The following NRXN1 variants were observed in gnomAD, a reference collection of about 807,000 sequenced individuals.
NRXN1 encodes the protein neurexin-1.
NRXN1 carries 39 observed loss-of-function variants against 150.9 expected under a neutral mutation model. That is an observed-to-expected ratio of 0.26 (90% CI 0.20 to 0.34). NRXN1 has a LOEUF of 0.34. Among genes scored for constraint, NRXN1 ranks in the 10% least tolerant of loss-of-function variants. NRXN1 has a pLI of 1.00. For synonymous variants in NRXN1, 924 were observed against 757.0 expected (o/e 1.22, Z -3.62); for missense variants, 1,815 against 1,949.9 (o/e 0.93, Z 1.30).
chr2:50,731,724 T>A (rs1698133788), intron 5 of NRXN1, among the ~76,000 whole-genome samples: 1 of 152,208 alleles, frequency 6.6e-6, no homozygotes, highest in Non-Finnish European at 1.5e-5. Context: ...CCCAGGTGAC[T>A]GTGCAACAAA....
chr2:50,208,114 A>G (rs2062747075), intron 18 of NRXN1, among the ~76,000 whole-genome samples: 1 of 152,114 alleles, frequency 6.6e-6, no homozygotes, highest in Admixed American at 6.6e-5. Flanking sequence ...TGGTGTCCAA[A>G]TGATGGTGTT....
chr2:50,053,451 G>C lies in NRXN1; in HGVS notation c.3948C>G (p.Ala1316=). The change falls in exon 21 of 23, where the codon GCC becomes GCG. Residue 1316 remains alanine, a synonymous_variant. Transcript: ENST00000401669. ...TCACATTTCCCACTATGGCGATGTT[G>C]GCATCGTTTTCGGCTGCCATATTCA... ...KVLNMAAEND[A]NIAIVGNVRL... is the part of the protein sequence containing the mutation. The C allele has an allele frequency of 6.2e-7, 1 of 1,614,036 alleles. No individual in the cohort carries two copies. The highest frequency in any genetic ancestry group is 8.5e-7 in the Non-Finnish European group (1 of 1,179,928).
chr2:50,819,685 T>G (rs916844826), intron 5 of NRXN1, among the ~76,000 whole-genome samples: 17 of 151,422 alleles, frequency 1.1e-4, no homozygotes, highest in African/African-American at 3.4e-4. Context: ...ACATGTTATG[T>G]TTTTTTTTAA....
At chr2:50,179,938 C>T (rs539653052) in intron 18 of NRXN1, among the ~76,000 whole-genome samples, 7 of 152,230 alleles carry the variant, frequency 4.6e-5, no homozygotes, top group Admixed American at 1.3e-4. Context: ...TGATTAAGCA[C>T]TGTGTCATTA....
chr2:50,178,357 T>A (rs2060478917), intron 18 of NRXN1, among the ~76,000 whole-genome samples: 1 of 151,982 alleles, frequency 6.6e-6, no homozygotes, highest in Non-Finnish European at 1.5e-5. Context: ...ACTTAGAACT[T>A]GTCCTTGGTA....
At chr2:49,939,314 G>A (rs193146375) in intron 22 of NRXN1, among the ~76,000 whole-genome samples, 2 of 152,138 alleles carry the variant, frequency 1.3e-5, no homozygotes, top group East Asian at 1.9e-4. Flanking sequence ...ATGTGTCTAC[G>A]CTTCTTAAAC....
chr2:49,933,407 G>T (rs1333249414), intron 22 of NRXN1, among the ~76,000 whole-genome samples: 2 of 152,094 alleles, frequency 1.3e-5, no homozygotes, highest in African/African-American at 4.8e-5. Flanking sequence ...TTTCTAAGCA[G>T]TTGCCCAGTT....
chr2:50,160,041 G>T (rs942558647), intron 18 of NRXN1, among the ~76,000 whole-genome samples: 1 of 152,090 alleles, frequency 6.6e-6, no homozygotes, highest in South Asian at 2.1e-4. Context: ...CAGGGCTTGG[G>T]ACTTGAAGAT....
chr2:50,277,718 C>T (rs2070746130), intron 17 of NRXN1, among the ~76,000 whole-genome samples: 1 of 152,000 alleles, frequency 6.6e-6, no homozygotes, highest in Admixed American at 6.6e-5. Flanking sequence ...CCCATTAAAG[C>T]ACAAACTCCT....
intron 5 of NRXN1, among the ~76,000 whole-genome samples, chr2:50,817,277 C>G (rs1669069478): frequency 6.6e-6 from 1 of 151,848 alleles, no homozygotes; most frequent in African/African-American, 2.4e-5. Flanking sequence ...TATATAAATT[C>G]CTAGAAACAT....
At chr2:50,231,924 A>T (rs1290592913) in intron 18 of NRXN1, among the ~76,000 whole-genome samples, 2 of 152,138 alleles carry the variant, frequency 1.3e-5, no homozygotes, top group Non-Finnish European at 1.5e-5. Flanking sequence ...TTAAGTCATT[A>T]TCAGTTAAAT....
At position 50,447,740 on chromosome 2, in the gene NRXN1, TATATATATATATATATATA is replaced by T. The variant is rs2086571884; in HGVS notation, c.3364+17683_3364+17701del. The stretch of plus-strand genomic sequence containing the variant: ...TCACATAGTAAGCAGGGGAACGTTA[TATATATATATATATATATA>T]TATATATATATATATATATACCTAA... On this transcript the variant is annotated intron_variant, in intron 17 of 22. Coordinates refer to ENST00000401669, the MANE Select transcript of NRXN1 (RefSeq NM_001330078.2). 1.4e-4 allele frequency among the ~76,000 whole-genome samples: 11 copies of T among 81,136 alleles called. 2 individuals are homozygous for T. The highest frequency in any genetic ancestry group is 6.5e-4 in the African/African-American group (11 of 16,882). 53.2% of individuals were successfully genotyped at this position (81,136 alleles called of 152,430 possible).
chr2:50,084,275 C>T (rs947750495), intron 19 of NRXN1, among the ~76,000 whole-genome samples: 2 of 152,182 alleles, frequency 1.3e-5, no homozygotes, highest in African/African-American at 4.8e-5. Flanking sequence ...AGCAGGGGGC[C>T]GCACAGGAGC....
intron 21 of NRXN1, among the ~76,000 whole-genome samples, chr2:50,033,007 G>T (rs1689414040): frequency 6.6e-6 from 1 of 150,612 alleles, no homozygotes; most frequent in South Asian, 2.1e-4. Context: ...TATATATTTT[G>T]TTATATATAC....
intron 17 of NRXN1, among the ~76,000 whole-genome samples, chr2:50,241,352 C>T (rs797012859): frequency 2.6e-5 from 4 of 151,712 alleles, no homozygotes; most frequent in South Asian, 2.1e-4. Flanking sequence ...TATGCAGTGG[C>T]AGTACATCTT....
chr2:50,743,673 A>T (rs903097184), intron 5 of NRXN1, among the ~76,000 whole-genome samples: 7 of 152,154 alleles, frequency 4.6e-5, no homozygotes, highest in African/African-American at 1.7e-4. Flanking sequence ...TAACAGATTT[A>T]ACCATCACGT....
At chr2:50,230,050 T>C (rs1338279944) in intron 18 of NRXN1, among the ~76,000 whole-genome samples, 2 of 152,054 alleles carry the variant, frequency 1.3e-5, no homozygotes, top group African/African-American at 4.8e-5. Context: ...GCAGAATCAA[T>C]GGACATGATT....
At chr2:50,494,716 G>A (rs1361053852) in intron 15 of NRXN1, among the ~76,000 whole-genome samples, 1 of 152,112 alleles carries the variant, frequency 6.6e-6, no homozygotes, top group African/African-American at 2.4e-5. Context: ...ACCTTGTTTA[G>A]AAAGAGCATT....
At chr2:50,719,701 C>T (rs1696378088) in intron 5 of NRXN1, among the ~76,000 whole-genome samples, 1 of 151,746 alleles carries the variant, frequency 6.6e-6, no homozygotes, top group African/African-American at 2.4e-5. Context: ...ACAACAACAA[C>T]AATAACAACA....
Sources: gnomAD v4.1 joint callset for allele counts (sites outside exome capture counted in the v4.1 genomes callset) on GRCh38, gnomAD v4.1.1 for gene constraint, MANE v1.5 for transcripts, NCBI Gene and HGNC (gene_info 2026-07-23, HGNC 2026-07-21) for gene names.